The following NKAIN2 variants were observed in gnomAD, a reference collection of about 807,000 sequenced individuals.
The protein encoded by NKAIN2 is sodium/potassium-transporting ATPase subunit beta-1-interacting protein 2.
NKAIN2 carries 14 observed loss-of-function variants against 32.6 expected under a neutral mutation model. That is an observed-to-expected ratio of 0.43 (90% CI 0.28 to 0.67). NKAIN2 has a LOEUF of 0.67. Ranked by LOEUF, NKAIN2 falls within the 30% of genes least tolerant of loss-of-function variation. The pLI, the probability that NKAIN2 is intolerant of heterozygous loss-of-function variation, is 0.17. For synonymous variants in NKAIN2, 80 were observed against 87.2 expected, an observed-to-expected ratio of 0.92 and a Z score of 0.46; for missense variants, 198 against 258.3, an observed-to-expected ratio of 0.77 and a Z score of 1.60.
chr6:124,472,605 CA>C (rs1456551278), intron 3 of NKAIN2, among the ~76,000 whole-genome samples: 1 of 151,560 alleles, frequency 6.6e-6, no homozygotes, highest in African/African-American at 2.4e-5. Flanking sequence ...TGGGTTCGAG[CA>C]TCGTGATTAG....
chr6:124,133,821 A>T lies in NKAIN2; in HGVS notation c.55-149184A>T, dbSNP rs551292555. ...ATAATCAAATTAGGCTAAAATAAAC[A>T]TTAAAGTCTGATCCTTACGAGGGGA... On this transcript the variant is annotated intron_variant, in intron 1 of 6. Transcript: ENST00000368417. Among the ~76,000 whole-genome samples, 188 of 152,220 alleles carry T rather than the reference A, an allele frequency of 1.2e-3. 1 individual carries two copies. The highest frequency in any genetic ancestry group is 4.3e-3 in the African/African-American group (180 of 41,544).
chr6:124,382,863 G>T (rs1772707953), intron 3 of NKAIN2, among the ~76,000 whole-genome samples: 1 of 152,120 alleles, frequency 6.6e-6, no homozygotes, highest in South Asian at 2.1e-4. Flanking sequence ...AAGAGAAGGA[G>T]AAACAAAATT....
intron 1 of NKAIN2, among the ~76,000 whole-genome samples, chr6:124,252,329 T>C (rs1793724675): frequency 6.6e-6 from 1 of 152,012 alleles, no homozygotes; most frequent in African/African-American, 2.4e-5. Flanking sequence ...ATTTCTAAAC[T>C]ATGAATCATT....
chr6:123,989,418 C>T (rs1779318810), intron 1 of NKAIN2, among the ~76,000 whole-genome samples: 3 of 152,208 alleles, frequency 2.0e-5, no homozygotes, highest in South Asian at 4.1e-4. Context: ...CTTCCATTTC[C>T]ATCTATTTAT....
intron 1 of NKAIN2, among the ~76,000 whole-genome samples, chr6:123,890,831 A>T (rs975333407): frequency 6.6e-6 from 1 of 152,094 alleles, no homozygotes; most frequent in Non-Finnish European, 1.5e-5. Flanking sequence ...CCCCTTCTAG[A>T]TATATACTTA....
chr6:124,101,362 A>G (rs990302816), intron 1 of NKAIN2, among the ~76,000 whole-genome samples: 34 of 152,196 alleles, frequency 2.2e-4, no homozygotes, highest in African/African-American at 8.2e-4. Context: ...ATTGGTCACC[A>G]TTCCATTTTT....
chr6:124,594,435 A>G lies in NKAIN2; in HGVS notation c.274-63751A>G, dbSNP rs73772171. Among the ~76,000 whole-genome samples the G allele has an allele frequency of 5.7e-3, 867 of 152,266 alleles. 9 individuals carry two copies. The highest frequency in any genetic ancestry group is 0.02 in the African/African-American group (823 of 41,564). On this transcript the variant is annotated intron_variant, in intron 3 of 6. Transcript: ENST00000368417. ...AAAAGGAGGGAATGTCAGCACTGTAAAATGTTGCCAAAAGTTCATTCAATA... is the reference window on the plus strand; with the variant it reads ...AAAAGGAGGGAATGTCAGCACTGTAGAATGTTGCCAAAAGTTCATTCAATA...
chr6:124,711,794 T>G (rs905069457), intron 4 of NKAIN2, among the ~76,000 whole-genome samples: 1 of 152,150 alleles, frequency 6.6e-6, no homozygotes, highest in Non-Finnish European at 1.5e-5. Flanking sequence ...GTAATTTGAT[T>G]GTCTGAAGCC....
intron 3 of NKAIN2, among the ~76,000 whole-genome samples, chr6:124,567,686 T>G (rs941683629): frequency 2.0e-5 from 3 of 152,238 alleles, no homozygotes; most frequent in African/African-American, 4.8e-5. Flanking sequence ...GCTGGTTGTC[T>G]GGATGTTGGT....
chr6:123,898,407 CA>C (rs1261225272), intron 1 of NKAIN2, among the ~76,000 whole-genome samples: 1 of 152,162 alleles, frequency 6.6e-6, no homozygotes, highest in Non-Finnish European at 1.5e-5. Context: ...ATCTTTCTTA[CA>C]AATTATGGAT....
In NKAIN2 at chr6:124,586,201, G is replaced by A. The variant is rs991536354; in HGVS notation, c.274-71985G>A. On this transcript the variant is annotated intron_variant, in intron 3 of 6. Transcript: ENST00000368417. ...GCCTTTCCAGAATGTCATATAAATAGTACCACATATATAGCTAAAATGTTT... is the reference window on the plus strand; with the variant it reads ...GCCTTTCCAGAATGTCATATAAATAATACCACATATATAGCTAAAATGTTT... Among the ~76,000 whole-genome samples, 4 of 152,088 alleles carry A rather than the reference G, an allele frequency of 2.6e-5. No individual in the cohort carries two copies. The East Asian group carries it at 5.8e-4, about 22-fold the overall frequency.
intron 3 of NKAIN2, among the ~76,000 whole-genome samples, chr6:124,395,459 A>G (rs967538888): frequency 1.3e-5 from 2 of 152,206 alleles, no homozygotes; most frequent in Admixed American, 1.3e-4. Flanking sequence ...TAAAACCCAT[A>G]AATTAATCTC....
intron 1 of NKAIN2, among the ~76,000 whole-genome samples, chr6:123,920,672 A>G (rs1358774654): frequency 1.3e-5 from 2 of 152,210 alleles, no homozygotes; most frequent in African/African-American, 2.4e-5. Context: ...AAGTCTCCAT[A>G]TAATACCTAC....
Position 124,083,845 on chromosome 6 carries a change from G to T in NKAIN2, c.55-199160G>T, listed in dbSNP as rs576977056. ...ACTGGCCTTTTTTAAAGACACTATG[G>T]TTACAGAGAGCATGATTTTTTCATG... On this transcript the variant is annotated intron_variant, in intron 1 of 6. Transcript: ENST00000368417. 4.6e-5 allele frequency among the ~76,000 whole-genome samples: 7 copies of T among 152,038 alleles called. No homozygotes were observed. In the South Asian group the frequency reaches 1.2e-3, roughly 27 times the overall value.
At chr6:124,708,383 T>G (rs1366621400) in intron 4 of NKAIN2, among the ~76,000 whole-genome samples, 5 of 151,698 alleles carry the variant, frequency 3.3e-5, no homozygotes, top group South Asian at 4.2e-4. Context: ...GTGAAGAAAG[T>G]CATTGGTAGC....
chr6:124,808,324 T>C (rs9401774), intron 5 of NKAIN2, among the ~76,000 whole-genome samples: 28,685 of 151,746 alleles, frequency 0.19, 3,576 homozygotes, highest in East Asian at 0.59. Context: ...GCAAGGCTGG[T>C]TCAATATACG....
chr6:124,580,859 G>A (rs566704445), intron 3 of NKAIN2, among the ~76,000 whole-genome samples: 3 of 151,800 alleles, frequency 2.0e-5, no homozygotes, highest in East Asian at 1.9e-4. Context: ...CTAAACAAAC[G>A]AACACAAAAC....
At chr6:123,997,672 T>G (rs796371389) in intron 1 of NKAIN2, among the ~76,000 whole-genome samples, 1 of 147,286 alleles carries the variant, frequency 6.8e-6, no homozygotes, top group Admixed American at 6.9e-5. Flanking sequence ...GGCGTGATCT[T>G]GGCTCACTGC....
Position 123,939,804 on chromosome 6 carries a change from CT to C in NKAIN2, c.54+135559del, listed in dbSNP as rs1441052739. Among the ~76,000 whole-genome samples the C allele has an allele frequency of 2.6e-5, 4 of 151,538 alleles. No individual in the cohort carries two copies. In the South Asian group the frequency reaches 6.3e-4, roughly 24 times the overall value. On this transcript the variant is annotated intron_variant, in intron 1 of 6. Transcript: ENST00000368417. ...TCAAGTCATGATTCTTCCAGCCACA[CT>C]TTTTTTTTCCAGTTATTGCAAGTGT...
Sources: gnomAD v4.1 joint callset for allele counts (sites outside exome capture counted in the v4.1 genomes callset) on GRCh38, gnomAD v4.1.1 for gene constraint, MANE v1.5 for transcripts, NCBI Gene and HGNC (gene_info 2026-07-23, HGNC 2026-07-21) for gene names.